Variants in AGBL1 observed in about 807,000 individuals in gnomAD.
AGBL1 encodes the protein cytosolic carboxypeptidase 4.
A neutral mutation model predicts 118.9 loss-of-function variants in AGBL1; 130 were observed. The observed-to-expected ratio is 1.09, with a 90% CI of 0.95 to 1.26. The LOEUF is 1.26. Ranked by LOEUF, AGBL1 falls within the 50% of genes most tolerant of loss-of-function variation. AGBL1 has a pLI of 0.00. For missense variants in AGBL1, 1,584 were observed against 1,298.1 expected (o/e 1.22, Z -3.38); for synonymous variants, 555 against 478.9 (o/e 1.16, Z -2.08).
chr15:86,685,375 T>C (rs971735384), intron 22 of AGBL1, among the ~76,000 whole-genome samples: 1 of 152,142 alleles, frequency 6.6e-6, no homozygotes, highest in African/African-American at 2.4e-5. Context: ...GATGAGCCTA[T>C]TGGAAAACGA....
intron 22 of AGBL1, among the ~76,000 whole-genome samples, chr15:86,806,392 G>A (rs1160887805): frequency 1.3e-5 from 2 of 152,126 alleles, no homozygotes; most frequent in Non-Finnish European, 2.9e-5. Context: ...AAAAGTGGCT[G>A]AGCAGAACTG....
intron 22 of AGBL1, among the ~76,000 whole-genome samples, chr15:86,812,946 G>A (rs759427634): frequency 2.0e-5 from 3 of 151,570 alleles, no homozygotes; most frequent in Non-Finnish European, 2.9e-5. Context: ...TTTTTCACTG[G>A]AAGGGAGCAG....
chr15:86,387,442 G>A (rs1285257282), intron 17 of AGBL1, among the ~76,000 whole-genome samples: 6 of 152,024 alleles, frequency 3.9e-5, no homozygotes, highest in African/African-American at 7.3e-5. Flanking sequence ...TTAGGTTTTC[G>A]TTTTCACACC....
At chr15:86,384,379 C>A (rs1334520816) in intron 17 of AGBL1, among the ~76,000 whole-genome samples, 1 of 152,098 alleles carries the variant, frequency 6.6e-6, no homozygotes, top group Non-Finnish European at 1.5e-5. Flanking sequence ...GTGAAATCAG[C>A]TGATAGATTG....
intron 21 of AGBL1, among the ~76,000 whole-genome samples, chr15:86,614,851 A>G (rs1418634757): frequency 6.6e-6 from 1 of 152,224 alleles, no homozygotes; most frequent in Non-Finnish European, 1.5e-5. Context: ...TTGTGTAGAC[A>G]AAGAGAAGAG....
chr15:86,692,995 T>C (rs977290278), intron 22 of AGBL1, among the ~76,000 whole-genome samples: 2 of 152,184 alleles, frequency 1.3e-5, no homozygotes, highest in Non-Finnish European at 2.9e-5. Flanking sequence ...CACAATTTCT[T>C]CATCCTCTTG....
intron 22 of AGBL1, among the ~76,000 whole-genome samples, chr15:86,896,397 TAA>T (rs79782840): frequency 0.13 from 19,078 of 146,510 alleles, 1,372 homozygotes; most frequent in African/African-American, 0.2. Flanking sequence ...ACCCTGGGTT[TAA>T]AAAAAAAAAA....
chr15:86,928,659 G>T (rs72754064), intron 23 of AGBL1, among the ~76,000 whole-genome samples: 1 of 152,126 alleles, frequency 6.6e-6, no homozygotes, highest in African/African-American at 2.4e-5. Context: ...TTCTGTATGT[G>T]TATGAATTAT....
intron 22 of AGBL1, among the ~76,000 whole-genome samples, chr15:86,701,588 A>G (rs1376965707): frequency 6.6e-6 from 1 of 152,050 alleles, no homozygotes; most frequent in Non-Finnish European, 1.5e-5. Flanking sequence ...TAGGAAAAGA[A>G]AGCAGTTGAA....
At chr15:86,291,238 G>C (rs900471788) in intron 16 of AGBL1, among the ~76,000 whole-genome samples, 1 of 152,132 alleles carries the variant, frequency 6.6e-6, no homozygotes, top group South Asian at 2.1e-4. Flanking sequence ...AGGTTTATTA[G>C]ATTATAATCC....
At chr15:86,093,452 T>A (rs879720182) in intron 1 of AGBL1, among the ~76,000 whole-genome samples, 15 of 152,190 alleles carry the variant, frequency 9.9e-5, no homozygotes, top group Non-Finnish European at 1.9e-4. Flanking sequence ...GATCCACCAG[T>A]ACCCCAGAAA....
chr15:86,354,541 A>G (rs1006687001), intron 17 of AGBL1, among the ~76,000 whole-genome samples: 6 of 152,264 alleles, frequency 3.9e-5, no homozygotes, highest in Non-Finnish European at 8.8e-5. Flanking sequence ...ATTTACAAAC[A>G]TGTAAAATAT....
At chr15:86,434,175 T>C (rs1006186431) in intron 18 of AGBL1, among the ~76,000 whole-genome samples, 1 of 152,244 alleles carries the variant, frequency 6.6e-6, no homozygotes, top group Non-Finnish European at 1.5e-5. Context: ...ATGACTGTGC[T>C]AACCATCTGG....
chr15:86,081,202 C>T (rs965635055), intron 1 of AGBL1, among the ~76,000 whole-genome samples: 1 of 151,810 alleles, frequency 6.6e-6, no homozygotes, highest in African/African-American at 2.4e-5. Context: ...TGCCACCATG[C>T]CTGGCTAATT....
chr15:86,588,042 A>G (rs1017960841), intron 21 of AGBL1, among the ~76,000 whole-genome samples: 4 of 151,968 alleles, frequency 2.6e-5, no homozygotes, highest in South Asian at 4.1e-4. Context: ...TGCTGGCACT[A>G]TTCTTCATTA....
chr15:86,278,466 C>A (rs1486390046), intron 15 of AGBL1, among the ~76,000 whole-genome samples: 4 of 103,840 alleles, frequency 3.9e-5, no homozygotes, highest in African/African-American at 2.0e-4. Context: ...GCCACAAAAC[C>A]ATGAGAAATA....
chr15:86,668,710 A>G (rs1024948605), intron 21 of AGBL1, among the ~76,000 whole-genome samples: 1 of 152,200 alleles, frequency 6.6e-6, no homozygotes, highest in Admixed American at 6.5e-5. Flanking sequence ...GTTTTGTAAC[A>G]AAGACAGAGG....
At chr15:86,762,349 C>G (rs1317939608) in intron 22 of AGBL1, among the ~76,000 whole-genome samples, 1 of 151,990 alleles carries the variant, frequency 6.6e-6, no homozygotes, top group South Asian at 2.1e-4. Flanking sequence ...CCTCCACATC[C>G]TGCACATGTA....
At chr15:86,769,308 C>G (rs1262311495) in intron 22 of AGBL1, among the ~76,000 whole-genome samples, 1 of 151,634 alleles carries the variant, frequency 6.6e-6, no homozygotes, top group African/African-American at 2.4e-5. Flanking sequence ...AGTTCTGTAT[C>G]TTCATTATCC....
Sources: gnomAD v4.1 joint callset for allele counts (sites outside exome capture counted in the v4.1 genomes callset) on GRCh38, gnomAD v4.1.1 for gene constraint, MANE v1.5 for transcripts, NCBI Gene and HGNC (gene_info 2026-07-23, HGNC 2026-07-21) for gene names.